Variants in GPC6 observed in about 807,000 individuals in gnomAD.
GPC6 encodes the protein glypican-6.
In GPC6, 14 loss-of-function variants were observed where a neutral mutation model predicts 55.2. The ratio of observed to expected loss-of-function variants is 0.25; its 90% CI spans 0.17 to 0.40. The LOEUF (loss-of-function observed/expected upper bound fraction) is 0.40, where lower values mean the gene tolerates loss of function less well. GPC6 is among the 10% of genes least tolerant of loss of function. The pLI, the probability that GPC6 is intolerant of heterozygous loss-of-function variation, is 1.00. For synonymous variants in GPC6, 278 were observed against 259.6 expected (o/e 1.07, Z -0.68); for missense variants, 641 against 708.5 (o/e 0.90, Z 1.08).
chr13:93,465,254 C>T (rs992245602), intron 1 of GPC6, among the ~76,000 whole-genome samples: 1 of 152,188 alleles, frequency 6.6e-6, no homozygotes, highest in Non-Finnish European at 1.5e-5. Context: ...AAAAGAGAGT[C>T]AACTTGTCCT....
chr13:93,506,788 C>T (rs1173085997), intron 1 of GPC6, among the ~76,000 whole-genome samples: 1 of 150,714 alleles, frequency 6.6e-6, no homozygotes, highest in Non-Finnish European at 1.5e-5. Context: ...CACCTGTAAT[C>T]CCGGCACTTT....
intron 4 of GPC6, among the ~76,000 whole-genome samples, chr13:94,118,996 ATGTGTG>A (rs4001790): frequency 0.16 from 24,331 of 150,528 alleles, 2,163 homozygotes; most frequent in East Asian, 0.31. Context: ...TACATTATGT[ATGTGTG>A]TGTGTGTGTG....
intron 4 of GPC6, among the ~76,000 whole-genome samples, chr13:94,171,731 A>G (rs1461022708): frequency 6.6e-6 from 1 of 152,150 alleles, no homozygotes; most frequent in Non-Finnish European, 1.5e-5. Context: ...ATCATCTCAG[A>G]TTTCCTAACA....
At chr13:93,671,575 CTGTT>C (rs1380231637) in intron 2 of GPC6, among the ~76,000 whole-genome samples, 1 of 151,888 alleles carries the variant, frequency 6.6e-6, no homozygotes, top group Non-Finnish European at 1.5e-5. Context: ...CAGGAAGCCT[CTGTT>C]TGTTTTCTCT....
chr13:94,137,932 T>C (rs1001240586), intron 4 of GPC6, among the ~76,000 whole-genome samples: 6 of 152,212 alleles, frequency 3.9e-5, no homozygotes, highest in Non-Finnish European at 7.3e-5. Flanking sequence ...TAGGTGATAA[T>C]GATGCAGTTG....
intron 1 of GPC6, among the ~76,000 whole-genome samples, chr13:93,537,722 C>G (rs1882115505): frequency 6.6e-6 from 1 of 152,102 alleles, no homozygotes; most frequent in Non-Finnish European, 1.5e-5. Context: ...AACCTTTTCC[C>G]TATTCTATCT....
At chr13:93,805,296 T>C (rs1886509849) in intron 2 of GPC6, among the ~76,000 whole-genome samples, 1 of 152,174 alleles carries the variant, frequency 6.6e-6, no homozygotes, top group Non-Finnish European at 1.5e-5. Context: ...ATATAGTACA[T>C]ATCCTATGCC....
chr13:94,256,903 A>G (rs728572), intron 4 of GPC6, among the ~76,000 whole-genome samples: 43,216 of 152,018 alleles, frequency 0.28, 6,271 homozygotes, highest in African/African-American at 0.33. Context: ...TCAATCACAT[A>G]CTAAAAAGCA....
intron 4 of GPC6, among the ~76,000 whole-genome samples, chr13:94,041,232 T>A (rs1445916137): frequency 7.9e-5 from 12 of 151,834 alleles, no homozygotes; most frequent in Admixed American, 7.9e-4. Flanking sequence ...AGTTACAAGA[T>A]GGAAGTCAAA....
At chr13:93,490,489 AT>A (rs1267006354) in intron 1 of GPC6, among the ~76,000 whole-genome samples, 1 of 13,216 alleles carries the variant, frequency 7.6e-5, no homozygotes, top group South Asian at 2.0e-3. Flanking sequence ...AACTTGAGTG[AT>A]TTTTTTTTCT....
chr13:93,872,194 G>A (rs1298195011), intron 3 of GPC6, among the ~76,000 whole-genome samples: 2 of 151,922 alleles, frequency 1.3e-5, no homozygotes, highest in Admixed American at 6.6e-5. Flanking sequence ...GATGTTTTGA[G>A]GTATGTGATA....
At chr13:93,490,503 T>C (rs1388405370) in intron 1 of GPC6, among the ~76,000 whole-genome samples, 18 of 125,742 alleles carry the variant, frequency 1.4e-4, no homozygotes, top group African/African-American at 5.1e-4. Flanking sequence ...TTTTTTCTTT[T>C]TTTTTTTTGA....
At chr13:94,271,390 A>G (rs1172869563) in intron 4 of GPC6, among the ~76,000 whole-genome samples, 44 of 127,212 alleles carry the variant, frequency 3.5e-4, no homozygotes, top group Non-Finnish European at 6.5e-4. Context: ...GCGCACACAC[A>G]CACACACACA....
chr13:94,197,674 G>T (rs1215827749), intron 4 of GPC6, among the ~76,000 whole-genome samples: 2 of 152,154 alleles, frequency 1.3e-5, no homozygotes, highest in South Asian at 2.1e-4. Context: ...GAGGATTAGA[G>T]CTTCAACATG....
At chr13:93,830,632 A>G (rs1375768044) in intron 3 of GPC6, 87 bp downstream of exon 3, 1 of 1,204,130 alleles carries the variant, frequency 8.3e-7, no homozygotes, top group East Asian at 2.5e-5. Context: ...AAAAAAAAAA[A>G]AAAAAACCAA....
intron 2 of GPC6, among the ~76,000 whole-genome samples, chr13:93,694,584 G>A (rs1882380897): frequency 6.6e-6 from 1 of 152,128 alleles, no homozygotes; most frequent in South Asian, 2.1e-4. Flanking sequence ...TTGCAAGATT[G>A]CCTAATCCAA....
intron 2 of GPC6, among the ~76,000 whole-genome samples, chr13:93,768,823 G>A (rs1393678371): frequency 6.6e-6 from 1 of 152,036 alleles, no homozygotes; most frequent in African/African-American, 2.4e-5. Context: ...ATGGTAAAAA[G>A]CCTTCAGTCC....
At chr13:93,440,936 C>T (rs957123154) in intron 1 of GPC6, among the ~76,000 whole-genome samples, 4 of 148,180 alleles carry the variant, frequency 2.7e-5, no homozygotes, top group Admixed American at 1.4e-4. Flanking sequence ...TGAGTGAGAA[C>T]ATGCGGTATT....
rs1172567824 is a variant in GPC6 at position 93,250,353 on chromosome 13, G to T, written c.160+22737G>T. ...GGTCCTAGGGCTCTGCCCATTTCCA[G>T]GGCCCTGCTGGCCTGCATATCTGGG... On this transcript the variant is annotated intron_variant, in intron 1 of 8. Coordinates refer to ENST00000377047, the MANE Select transcript of GPC6 (RefSeq NM_005708.5). Among the ~76,000 whole-genome samples, 5 of 152,296 alleles carry T rather than the reference G, an allele frequency of 3.3e-5. No individual in the cohort carries two copies. In the East Asian group the frequency reaches 9.7e-4, roughly 29 times the overall value.
Sources: allele counts gnomAD v4.1 joint callset (sites outside exome capture counted in the v4.1 genomes callset), GRCh38; gene constraint gnomAD v4.1.1; transcripts MANE v1.5; gene names NCBI Gene and HGNC (gene_info 2026-07-23, HGNC 2026-07-21).